ZMYND12: variants seen among roughly 807,000 people sequenced by gnomAD.
ZMYND12 encodes the protein zinc finger MYND-type containing 12.
In ZMYND12, 32 loss-of-function variants were observed where a neutral mutation model predicts 41.7. The ratio of observed to expected loss-of-function variants is 0.77; its 90% CI spans 0.58 to 1.03. ZMYND12 has a LOEUF of 1.03. Ranked by LOEUF, ZMYND12 falls within the 50% of genes least tolerant of loss-of-function variation. ZMYND12 has a pLI of 0.00. For missense variants in ZMYND12, 424 were observed against 438.5 expected, an observed-to-expected ratio of 0.97 and a Z score of 0.30; for synonymous variants, 148 against 164.8, an observed-to-expected ratio of 0.90 and a Z score of 0.78.
chr1:42,438,959 G>A (rs1322699515), intron 4 of ZMYND12, among the ~76,000 whole-genome samples: 2 of 152,132 alleles, frequency 1.3e-5, no homozygotes, highest in African/African-American at 4.8e-5. Context: ...GAACAATTCA[G>A]TTATCATCCT....
chr1:42,444,010 T>C (rs1040905607), intron 3 of ZMYND12, among the ~76,000 whole-genome samples: 2 of 152,108 alleles, frequency 1.3e-5, no homozygotes, highest in Admixed American at 6.5e-5. Context: ...CTACTATAAG[T>C]GCATGCCACC....
chr1:42,451,917 G>A (rs778429980), intron 1 of ZMYND12, among the ~76,000 whole-genome samples: 7 of 152,074 alleles, frequency 4.6e-5, no homozygotes, highest in African/African-American at 1.4e-4. Flanking sequence ...ATATATTTGC[G>A]GGCTCCCTGC....
intron 1 of ZMYND12, among the ~76,000 whole-genome samples, chr1:42,451,161 A>G (rs1643079910): frequency 6.6e-6 from 1 of 152,190 alleles, no homozygotes; most frequent in Non-Finnish European, 1.5e-5. Context: ...GCATTACTGA[A>G]AGTGGGATAT....
chr1:42,433,226 T>C lies in ZMYND12; in HGVS notation c.892A>G (p.Thr298Ala). The C allele has an allele frequency of 6.2e-7, 1 of 1,613,024 alleles. No homozygotes were observed. Among genetic ancestry groups the C allele is most frequent in the Non-Finnish European group, 8.5e-7 (1 of 1,179,606 alleles). Residue 298 changes from threonine to alanine, a missense_variant, in exon 7 of 8, where the codon ACA (threonine) becomes GCA (alanine). Coordinates refer to ENST00000372565, the MANE Select transcript of ZMYND12 (RefSeq NM_032257.5). The part of the protein sequence containing the change: ...LTSILNIRES[T>A]SDKAPQKTIF... ...GTTTTTTGGGGGGCTTTGTCAGATG[T>C]AGATTCTCGAATGTTCAAGATTGAA...
Position 42,432,994 on chromosome 1 carries a change from A to G in ZMYND12, c.975+149T>C. The G allele has an allele frequency of 3.2e-6, 3 of 929,082 alleles. No homozygotes were observed. In the South Asian group the frequency reaches 4.9e-5, roughly 15 times the overall value. 57.6% of individuals were successfully genotyped at this position (929,082 alleles called of 1,614,324 possible). On this transcript the variant is annotated intron_variant, in intron 7 of 7. Coordinates refer to ENST00000372565, the MANE Select transcript of ZMYND12 (RefSeq NM_032257.5). The stretch of plus-strand genomic sequence containing the variant: ...TTATGCAGGCTAGACTCAACACAGG[A>G]GAAACATCGTGAGCATCTGAACCTC...
At chr1:42,454,068 T>C (rs1233817217) in intron 1 of ZMYND12, among the ~76,000 whole-genome samples, 1 of 151,866 alleles carries the variant, frequency 6.6e-6, no homozygotes, top group African/African-American at 2.4e-5. Flanking sequence ...AACTGAAGGA[T>C]GAAAGGGAGC....
chr1:42,449,798 AAAAC>A, intron 2 of ZMYND12, 116 bp downstream of exon 2: 2 of 1,260,742 alleles, frequency 1.6e-6, no homozygotes, highest in Non-Finnish European at 2.2e-6. Context: ...AAAAAGATAT[AAAAC>A]AAAGTCTCTG....
intron 2 of ZMYND12, 132 bp downstream of exon 2, chr1:42,449,785 CT>C (rs1557771069): frequency 6.3e-6 from 7 of 1,103,842 alleles, no homozygotes; most frequent in Non-Finnish European, 8.9e-6. Context: ...GTGTTGAGGA[CT>C]TAAAAAGATA....
In ZMYND12 at chr1:42,439,515, T is replaced by C. The variant is rs961021470; in HGVS notation, c.594+341A>G. Among the ~76,000 whole-genome samples, 3 of 151,934 alleles carry C rather than the reference T, an allele frequency of 2.0e-5. No homozygotes were observed. The East Asian group carries it at 5.8e-4, about 30-fold the overall frequency. ...TCCTGACCTCGTGATCCACCCACCT[T>C]GGCCTCCCAAAGTGCTGGGATTACA... is the stretch of plus-strand genomic sequence containing the variant. On this transcript the variant is annotated intron_variant, in intron 4 of 7. Coordinates refer to ENST00000372565, the MANE Select transcript of ZMYND12 (RefSeq NM_032257.5).
chr1:42,454,449 G>A (rs1322146575), intron 1 of ZMYND12, among the ~76,000 whole-genome samples: 5 of 152,148 alleles, frequency 3.3e-5, no homozygotes, highest in Non-Finnish European at 7.3e-5. Flanking sequence ...ACTGAGGAAG[G>A]ACACCTAGGC....
chr1:42,430,999 C>A, intron 7 of ZMYND12, 141 bp from the exon 8 acceptor site: 1 of 1,207,860 alleles, frequency 8.3e-7, no homozygotes. Flanking sequence ...GTTGATAAAC[C>A]TGTAAACACA....
At chr1:42,448,405 T>A (rs1643046278) in intron 3 of ZMYND12, 62 bp downstream of exon 3, 1 of 1,448,420 alleles carries the variant, frequency 6.9e-7, no homozygotes, top group African/African-American at 1.4e-5. Flanking sequence ...CTTTGATCAT[T>A]GGTGTGACCC....
At chr1:42,440,054 A>C (rs1044242499) in intron 3 of ZMYND12, 29 bp from the exon 4 acceptor site, 3 of 1,565,400 alleles carry the variant, frequency 1.9e-6, no homozygotes, top group Non-Finnish European at 2.6e-6. Context: ...GAAGGTTATA[A>C]TTCATATCCA....
chr1:42,453,441 G>A (rs764095527), intron 1 of ZMYND12, among the ~76,000 whole-genome samples: 1 of 152,172 alleles, frequency 6.6e-6, no homozygotes, highest in African/African-American at 2.4e-5. Context: ...GTCGGACATA[G>A]ATCAAAAGTT....
intron 3 of ZMYND12, among the ~76,000 whole-genome samples, chr1:42,441,690 G>C (rs951656946): frequency 5.3e-5 from 8 of 151,640 alleles, no homozygotes; most frequent in Non-Finnish European, 1.2e-4. Context: ...GCGGGATCTC[G>C]GCTCACTGCA....
intron 3 of ZMYND12, among the ~76,000 whole-genome samples, chr1:42,441,951 T>C (rs569153435): frequency 9.2e-5 from 14 of 152,316 alleles, no homozygotes; most frequent in Middle Eastern, 3.4e-3. Context: ...TTTTTAATCA[T>C]TGTATTATTT....
In ZMYND12 at chr1:42,436,413, C is replaced by A; in HGVS notation, c.717+8G>T. 1 of 1,612,850 alleles carries A rather than the reference C, an allele frequency of 6.2e-7. No individual in the cohort carries two copies. Among genetic ancestry groups the A allele is most frequent in the Non-Finnish European group, 8.5e-7 (1 of 1,179,054 alleles). On this transcript the variant is annotated splice_region_variant and intron_variant, in intron 5 of 7. Transcript: ENST00000372565. ...GTGAAGGCTCAGCTCCCACATTCCCCAGCTCACCTTGGTGTACAATGTGTC... is the reference window on the plus strand; with the variant it reads ...GTGAAGGCTCAGCTCCCACATTCCCAAGCTCACCTTGGTGTACAATGTGTC...
intron 3 of ZMYND12, among the ~76,000 whole-genome samples, chr1:42,445,951 G>A (rs1336233984): frequency 1.3e-5 from 2 of 152,154 alleles, no homozygotes; most frequent in African/African-American, 4.8e-5. Flanking sequence ...AACCTGGGCT[G>A]TATTTTCTTG....
At chr1:42,439,480 G>A (rs1037148111) in intron 4 of ZMYND12, among the ~76,000 whole-genome samples, 6 of 152,020 alleles carry the variant, frequency 3.9e-5, no homozygotes, top group African/African-American at 1.2e-4. Context: ...TGGCCAGGAC[G>A]GTCTCAATCT....
Sources: allele counts gnomAD v4.1 joint callset (sites outside exome capture counted in the v4.1 genomes callset), GRCh38; gene constraint gnomAD v4.1.1; transcripts MANE v1.5; gene names NCBI Gene and HGNC (gene_info 2026-07-23, HGNC 2026-07-21).